TMEM154: variants seen among roughly 807,000 people sequenced by gnomAD.
TMEM154 encodes transmembrane protein 154.
In TMEM154, 27 loss-of-function variants were observed where a neutral mutation model predicts 24.5. That is an observed-to-expected ratio of 1.10 (90% CI 0.81 to 1.52). The LOEUF is 1.52. Ranked by LOEUF, TMEM154 falls within the 40% of genes most tolerant of loss-of-function variation. TMEM154 has a pLI of 0.00. For missense variants in TMEM154, 228 were observed against 213.4 expected, an observed-to-expected ratio of 1.07 and a Z score of -0.43; for synonymous variants, 67 against 76.8, an observed-to-expected ratio of 0.87 and a Z score of 0.67.
At chr4:152,634,031 CAAA>C (rs1167923301) in intron 6 of TMEM154, among the ~76,000 whole-genome samples, 2 of 20,408 alleles carry the variant, frequency 9.8e-5, no homozygotes, top group African/African-American at 1.6e-4. Flanking sequence ...GACCCCATCT[CAAA>C]AAAAAAAAAA....
intron 3 of TMEM154, chr4:152,647,433 G>A (rs150011169): frequency 7.1e-5 from 46 of 646,308 alleles, no homozygotes; most frequent in African/African-American, 5.2e-4. Context: ...TAGTGATCAC[G>A]TCTGTGTTAA....
intron 1 of TMEM154, among the ~76,000 whole-genome samples, chr4:152,678,585 G>A (rs1234196100): frequency 6.6e-6 from 1 of 152,088 alleles, no homozygotes; most frequent in Non-Finnish European, 1.5e-5. Context: ...GAACTCTGGA[G>A]TAGAAGCCAG....
chr4:152,632,916 AC>A (rs1358858932), intron 6 of TMEM154, among the ~76,000 whole-genome samples: 1 of 152,132 alleles, frequency 6.6e-6, no homozygotes, highest in African/African-American at 2.4e-5. Context: ...TGTTTTGTAA[AC>A]AATAAATGAG....
At chr4:152,643,357 CACAA>C (rs34977755) in intron 4 of TMEM154, among the ~76,000 whole-genome samples, 184 bp from the exon 5 acceptor site, 12,016 of 152,248 alleles carry the variant, frequency 0.079, 512 homozygotes, top group African/African-American at 0.098. Flanking sequence ...AAGGCTACCA[CACAA>C]ACAAACATAC....
intron 6 of TMEM154, among the ~76,000 whole-genome samples, chr4:152,635,116 C>T (rs1409309375): frequency 6.6e-6 from 1 of 152,156 alleles, no homozygotes; most frequent in Non-Finnish European, 1.5e-5. Context: ...TTTAACTGAG[C>T]AGACAGGCCA....
At position 152,624,231 on chromosome 4, in the gene TMEM154, T is replaced by C. The variant is rs1476021193; in HGVS notation, c.*4315A>G. 1 of 152,194 alleles carries C rather than the reference T, an allele frequency of 6.6e-6. No homozygotes were observed. Among genetic ancestry groups the C allele is most frequent in the Non-Finnish European group, 1.5e-5 (1 of 68,036 alleles). 9.4% of individuals were successfully genotyped at this position (152,194 alleles called of 1,614,324 possible). Reference sequence around the variant, plus strand: ...AAGCTCTATTTTACATAATTGTATATACTGCTATCTCAGGAACATGATATG... The same window carrying C: ...AAGCTCTATTTTACATAATTGTATACACTGCTATCTCAGGAACATGATATG... On this transcript the variant is annotated 3_prime_UTR_variant, in exon 7 of 7. Coordinates refer to ENST00000304385, the MANE Select transcript of TMEM154 (RefSeq NM_152680.3).
chr4:152,649,308 C>T (rs1310815555), intron 3 of TMEM154, among the ~76,000 whole-genome samples: 3 of 152,208 alleles, frequency 2.0e-5, no homozygotes, highest in South Asian at 4.1e-4. Context: ...CGAATCCGAG[C>T]GAGTTTTACT....
chr4:152,629,461 G>T (rs1751991059), intron 6 of TMEM154, among the ~76,000 whole-genome samples: 1 of 152,172 alleles, frequency 6.6e-6, no homozygotes, highest in Admixed American at 6.5e-5. Context: ...TTGGTCTTTT[G>T]CTTCTAACTT....
chr4:152,656,856 G>T (rs554807726), intron 1 of TMEM154, among the ~76,000 whole-genome samples: 1 of 152,010 alleles, frequency 6.6e-6, no homozygotes. Context: ...GGGAGGTGGA[G>T]GTTGCGGTGA....
intron 6 of TMEM154, among the ~76,000 whole-genome samples, chr4:152,632,610 G>A (rs1752068655): frequency 6.6e-6 from 1 of 152,150 alleles, no homozygotes; most frequent in Admixed American, 6.6e-5. Flanking sequence ...ATTCGTTTAA[G>A]TCTTTTATGT....
At chr4:152,662,549 AC>A in intron 1 of TMEM154, among the ~76,000 whole-genome samples, 1 of 152,278 alleles carries the variant, frequency 6.6e-6, no homozygotes, top group East Asian at 1.9e-4. Context: ...CAAGGTGGAA[AC>A]CAGAGGAGGT....
intron 1 of TMEM154, among the ~76,000 whole-genome samples, chr4:152,673,954 T>A (rs1728903123): frequency 6.6e-6 from 1 of 151,936 alleles, no homozygotes; most frequent in African/African-American, 2.4e-5. Flanking sequence ...GCTTGTGTAA[T>A]ATTTCCAAAT....
At chr4:152,635,668 TATAATGAC>T (rs767229077) in intron 6 of TMEM154, among the ~76,000 whole-genome samples, 1 of 152,342 alleles carries the variant, frequency 6.6e-6, no homozygotes, top group Non-Finnish European at 1.5e-5. Context: ...AACTCCTTTT[TATAATGAC>T]ATCGAGCTCA....
intron 4 of TMEM154, among the ~76,000 whole-genome samples, chr4:152,643,758 G>A (rs1008510693): frequency 2.0e-5 from 3 of 152,196 alleles, no homozygotes; most frequent in Non-Finnish European, 2.9e-5. Context: ...GTTGGGGAAG[G>A]ATGGACCACC....
At position 152,665,709 on chromosome 4, in the gene TMEM154, C is replaced by T. The variant is rs143299805; in HGVS notation, c.65-12782G>A. 4.6e-5 allele frequency among the ~76,000 whole-genome samples: 7 copies of T among 152,086 alleles called. No homozygotes were observed. The East Asian group carries it at 1.2e-3, about 25-fold the overall frequency. On this transcript the variant is annotated intron_variant, in intron 1 of 6. Transcript: ENST00000304385. ...TAGTGTGTATTGGAAACACCTACAG[C>T]CCTTCTTAAAACACAGATTGTTGGG...
At chr4:152,641,790 G>A (rs1752261720) in intron 5 of TMEM154, among the ~76,000 whole-genome samples, 1 of 149,038 alleles carries the variant, frequency 6.7e-6, no homozygotes, top group African/African-American at 2.5e-5. Flanking sequence ...CAAATAGAAT[G>A]GCTTTACAGA....
rs73863182 is a variant in TMEM154 at position 152,656,019 on chromosome 4, C to T, written c.65-3092G>A. Among the ~76,000 whole-genome samples the T allele has an allele frequency of 9.8e-4, 149 of 152,272 alleles. 1 individual carries two copies. The highest frequency in any genetic ancestry group is 3.3e-3 in the African/African-American group (137 of 41,556). On this transcript the variant is annotated intron_variant, in intron 1 of 6. Coordinates refer to ENST00000304385, the MANE Select transcript of TMEM154 (RefSeq NM_152680.3). ...CCCAGCCCAGTCTAGTCCATCACCA[C>T]TGGCACCACAGCATTCCTCCCAGAT...
rs946535096 is a variant in TMEM154, at chr4:152,648,739, A to G, written c.364+3799T>C. 3.3e-5 allele frequency among the ~76,000 whole-genome samples: 5 copies of G among 152,338 alleles called. No homozygotes were observed. In the South Asian group the frequency reaches 8.3e-4, roughly 25 times the overall value. On this transcript the variant is annotated intron_variant, in intron 3 of 6. Coordinates refer to ENST00000304385, the MANE Select transcript of TMEM154 (RefSeq NM_152680.3). ...GCTTTTGAACCTTGAGACTTTCACAATGAAATTCAATGAAAAATCAATTTC... is the reference window on the plus strand; with the variant it reads ...GCTTTTGAACCTTGAGACTTTCACAGTGAAATTCAATGAAAAATCAATTTC...
At position 152,656,274 on chromosome 4, in the gene TMEM154, C is replaced by T. The variant is rs181455160; in HGVS notation, c.65-3347G>A. Reference sequence around the variant, plus strand: ...TACCATTTCTAGCACCCAAGCAAGACACCTGGAAGCCCAAAAACCAGCCTG... The same window carrying T: ...TACCATTTCTAGCACCCAAGCAAGATACCTGGAAGCCCAAAAACCAGCCTG... On this transcript the variant is annotated intron_variant, in intron 1 of 6. Transcript: ENST00000304385. 1.7e-3 allele frequency among the ~76,000 whole-genome samples: 253 copies of T among 152,294 alleles called. 2 individuals are homozygous for T. Among genetic ancestry groups the T allele is most frequent in the African/African-American group, 5.6e-3 (232 of 41,556 alleles).
Sources: allele counts gnomAD v4.1 joint callset (sites outside exome capture counted in the v4.1 genomes callset), GRCh38; gene constraint gnomAD v4.1.1; transcripts MANE v1.5; gene names NCBI Gene and HGNC (gene_info 2026-07-23, HGNC 2026-07-21).